The following XYLB variants were observed in gnomAD, a reference collection of about 807,000 sequenced individuals.
XYLB encodes the protein xylulokinase.
XYLB carries 62 observed loss-of-function variants against 78.7 expected under a neutral mutation model. The observed-to-expected ratio is 0.79, with a 90% CI of 0.64 to 0.97. XYLB has a LOEUF of 0.97. Ranked by LOEUF, XYLB falls within the 50% of genes least tolerant of loss-of-function variation. The pLI is 0.00. For missense variants in XYLB, 687 were observed against 676.8 expected, an observed-to-expected ratio of 1.02 and a Z score of -0.17; for synonymous variants, 245 against 247.4, an observed-to-expected ratio of 0.99 and a Z score of 0.09.
chr3:38,348,542 C>G lies in XYLB; in HGVS notation c.58-8C>G. On this transcript the variant is annotated splice_polypyrimidine_tract_variant and splice_region_variant and intron_variant, in intron 1 of 18. Transcript: ENST00000207870. ...ATTCTACACTTCCTTTTTTAAAATGCCTTTCAGGTAAAGGTTGTTGCTGTT... is the reference window on the plus strand; with the variant it reads ...ATTCTACACTTCCTTTTTTAAAATGGCTTTCAGGTAAAGGTTGTTGCTGTT... The G allele has an allele frequency of 1.2e-6, 2 of 1,613,926 alleles. No homozygotes were observed. The highest frequency in any genetic ancestry group is 4.5e-5 in the East Asian group (2 of 44,866).
At chr3:38,405,892 T>G (rs1177962926) in intron 18 of XYLB, among the ~76,000 whole-genome samples, 1 of 152,230 alleles carries the variant, frequency 6.6e-6, no homozygotes, top group Non-Finnish European at 1.5e-5. Flanking sequence ...AGGCTCGAAC[T>G]GGGTGGAGCC....
At chr3:38,379,158 T>A (rs1707016925) in intron 14 of XYLB, 88 bp from the exon 15 acceptor site, 1 of 1,382,042 alleles carries the variant, frequency 7.2e-7, no homozygotes, top group Non-Finnish European at 1.0e-6. Flanking sequence ...GGGCTGTTGT[T>A]TAAAAAGATC....
rs1364249719 is a variant in XYLB at position 38,413,053 on chromosome 3, A to G, written c.*40A>G. Reference sequence around the variant, plus strand: ...TGCCCCTGCCTGCCCAGATTTACTGACCCCATTTGTCGACATGGCCCCAGA... The same window carrying G: ...TGCCCCTGCCTGCCCAGATTTACTGGCCCCATTTGTCGACATGGCCCCAGA... On this transcript the variant is annotated 3_prime_UTR_variant, in exon 19 of 19. Coordinates refer to ENST00000207870, the MANE Select transcript of XYLB (RefSeq NM_005108.4). 6.4e-7 allele frequency: 1 copy of G among 1,555,098 alleles called. No homozygotes were observed. Among genetic ancestry groups the G allele is most frequent in the Non-Finnish European group, 8.7e-7 (1 of 1,155,874 alleles).
Position 38,368,165 on chromosome 3 carries a change from A to G in XYLB, c.574-20A>G. The G allele has an allele frequency of 6.2e-7, 1 of 1,612,714 alleles. No homozygotes were observed. Among genetic ancestry groups the G allele is most frequent in the African/African-American group, 1.3e-5 (1 of 74,990 alleles). On this transcript the variant is annotated intron_variant, in intron 7 of 18. Transcript: ENST00000207870. ...GGTATGTGGAAGTGAGGCACCTCTC[A>G]CTGTTTCTTTCCTTTACAGAGAATT...
intron 2 of XYLB, among the ~76,000 whole-genome samples, chr3:38,358,309 TTGTGTGTGTGTGTGTGTG>T (rs780269094): frequency 1.6e-4 from 9 of 54,918 alleles, no homozygotes; most frequent in Non-Finnish European, 2.9e-4. Flanking sequence ...CAGTTTTGTT[TTGTGTGTGTGTGTGTGTG>T]TGTGTGTGTG....
At chr3:38,437,925 C>T in the XYLB span, among the ~76,000 whole-genome samples, 20 of 152,210 alleles carry the variant, frequency 1.3e-4, no homozygotes, top group Middle Eastern at 3.4e-3. Context: ...CAAAAATTAG[C>T]CGGGTGTGGT....
At chr3:38,418,782 G>A (rs188973964), downstream of XYLB, among the ~76,000 whole-genome samples, 1,062 of 151,282 alleles carry the variant, frequency 7.0e-3, 8 homozygotes, top group African/African-American at 0.025. Flanking sequence ...GTGATAAAAT[G>A]TGTGACATTT....
intron 10 of XYLB, among the ~76,000 whole-genome samples, chr3:38,373,444 G>GCAGCACC (rs1706680679): frequency 6.6e-6 from 1 of 152,176 alleles, no homozygotes; most frequent in African/African-American, 2.4e-5. Flanking sequence ...TGTCCTTTCA[G>GCAGCACC]TCTTCTTTCT....
intron 15 of XYLB, among the ~76,000 whole-genome samples, chr3:38,388,077 A>G (rs1011332225): frequency 6.6e-6 from 1 of 152,010 alleles, no homozygotes; most frequent in East Asian, 1.9e-4. Flanking sequence ...TTGTAGATTC[A>G]CATGCAGTTG....
intron 4 of XYLB, among the ~76,000 whole-genome samples, chr3:38,364,461 G>T (rs1706139888): frequency 6.6e-6 from 1 of 151,236 alleles, no homozygotes; most frequent in Non-Finnish European, 1.5e-5. Context: ...ATAAACCCCA[G>T]CCTCCTGAGC....
chr3:38,412,450 A>T (rs1388877187), intron 18 of XYLB, among the ~76,000 whole-genome samples: 3 of 152,152 alleles, frequency 2.0e-5, no homozygotes, highest in East Asian at 3.9e-4. Flanking sequence ...CCCTTGGCTC[A>T]TGGTGGTCTT....
At chr3:38,364,002 A>G (rs1706112727) in intron 4 of XYLB, among the ~76,000 whole-genome samples, 1 of 152,110 alleles carries the variant, frequency 6.6e-6, no homozygotes, top group Non-Finnish European at 1.5e-5. Context: ...TCCCTGGGTG[A>G]TCTTGTCCAC....
At chr3:38,448,199 A>G in the XYLB span, among the ~76,000 whole-genome samples, 1 of 146,742 alleles carries the variant, frequency 6.8e-6, no homozygotes, top group African/African-American at 2.5e-5. Flanking sequence ...ATTTTATGGC[A>G]GTAGAGAGAT....
At chr3:38,368,329 C>A (rs1706371953) in intron 8 of XYLB, 72 bp downstream of exon 8, 2 of 1,363,586 alleles carry the variant, frequency 1.5e-6, no homozygotes, top group Admixed American at 3.4e-5. Flanking sequence ...GCAGTGGGAG[C>A]CCCACCTACC....
the XYLB span, among the ~76,000 whole-genome samples, chr3:38,446,266 G>A: frequency 1.3e-5 from 2 of 152,280 alleles, no homozygotes; most frequent in South Asian, 4.1e-4. Flanking sequence ...GCCACAGAGA[G>A]CTGATTGGTG....
chr3:38,403,848 A>G (rs947630505), intron 18 of XYLB, among the ~76,000 whole-genome samples: 2 of 152,106 alleles, frequency 1.3e-5, no homozygotes, highest in African/African-American at 4.8e-5. Flanking sequence ...CATGGCCGAA[A>G]TCACTGACAA....
chr3:38,428,874 T>C, the XYLB span, among the ~76,000 whole-genome samples: 979 of 152,358 alleles, frequency 6.4e-3, 2 homozygotes, highest in Non-Finnish European at 0.011. Context: ...TTTTTTGTTA[T>C]CTCATTTTAT....
the XYLB span, among the ~76,000 whole-genome samples, chr3:38,437,380 A>G: frequency 6.6e-6 from 1 of 152,202 alleles, no homozygotes. Flanking sequence ...TACCACTCCT[A>G]TTCAACATAG....
At position 38,355,325 on chromosome 3, in the gene XYLB, T is replaced by C. The variant is rs112515595; in HGVS notation, c.141-5014T>C. 8.6e-3 allele frequency among the ~76,000 whole-genome samples: 1,315 copies of C among 152,352 alleles called. 23 individuals are homozygous for C. The highest frequency in any genetic ancestry group is 0.029 in the African/African-American group (1,216 of 41,578). ...TAGCTACCTATGAAGCAGAGCCTTCTAGCTACCGTTAACTGACTGCAGATG... is the reference window on the plus strand; with the variant it reads ...TAGCTACCTATGAAGCAGAGCCTTCCAGCTACCGTTAACTGACTGCAGATG... On this transcript the variant is annotated intron_variant, in intron 2 of 18. Coordinates refer to ENST00000207870, the MANE Select transcript of XYLB (RefSeq NM_005108.4).
Sources: gnomAD v4.1 joint callset for allele counts (sites outside exome capture counted in the v4.1 genomes callset) on GRCh38, gnomAD v4.1.1 for gene constraint, MANE v1.5 for transcripts, NCBI Gene and HGNC (gene_info 2026-07-23, HGNC 2026-07-21) for gene names.